Variants in TTLL11 observed in about 807,000 individuals in gnomAD.
The protein encoded by TTLL11 is tubulin polyglutamylase TTLL11.
In TTLL11, 42 loss-of-function variants were observed where a neutral mutation model predicts 51.7. The ratio of observed to expected loss-of-function variants is 0.81; its 90% CI spans 0.64 to 1.05. The LOEUF is 1.05. TTLL11 is among the 50% of genes least tolerant of loss of function. The pLI is 0.00. For missense variants in TTLL11, 799 were observed against 940.4 expected, an observed-to-expected ratio of 0.85 and a Z score of 1.97; for synonymous variants, 381 against 383.5, an observed-to-expected ratio of 0.99 and a Z score of 0.08.
At chr9:122,044,072 T>C (rs1188630098) in intron 1 of TTLL11, among the ~76,000 whole-genome samples, 1 of 152,208 alleles carries the variant, frequency 6.6e-6, no homozygotes, top group Admixed American at 6.5e-5. Flanking sequence ...TGTGTTCTCA[T>C]TGTTCAATTC....
intron 6 of TTLL11, among the ~76,000 whole-genome samples, chr9:121,963,360 C>T (rs1044966396): frequency 3.9e-5 from 6 of 152,194 alleles, no homozygotes; most frequent in Non-Finnish European, 7.3e-5. Flanking sequence ...GTCTCCTAAG[C>T]CCAGCATGTG....
intron 6 of TTLL11, among the ~76,000 whole-genome samples, chr9:121,910,501 G>A (rs1053699497): frequency 6.6e-6 from 1 of 152,196 alleles, no homozygotes; most frequent in African/African-American, 2.4e-5. Flanking sequence ...CGTCAGCTGA[G>A]TGTAACAGTT....
At chr9:121,841,294 T>C (rs1390030959) in intron 8 of TTLL11, among the ~76,000 whole-genome samples, 1 of 151,988 alleles carries the variant, frequency 6.6e-6, no homozygotes, top group Non-Finnish European at 1.5e-5. Context: ...TCTCAAAGGC[T>C]AAAGAGCTCA....
At chr9:122,090,947 G>A (rs997655144) in intron 1 of TTLL11, among the ~76,000 whole-genome samples, 27 of 152,290 alleles carry the variant, frequency 1.8e-4, no homozygotes, top group African/African-American at 5.8e-4. Context: ...TGTAATGACC[G>A]CAATTATTCC....
At chr9:121,858,708 C>A (rs1837905721) in intron 8 of TTLL11, among the ~76,000 whole-genome samples, 1 of 152,240 alleles carries the variant, frequency 6.6e-6, no homozygotes, top group African/African-American at 2.4e-5. Context: ...ATAAGATAAA[C>A]TGCCTCGCAC....
At chr9:121,840,793 C>T (rs1184604292) in intron 8 of TTLL11, among the ~76,000 whole-genome samples, 1 of 152,184 alleles carries the variant, frequency 6.6e-6, no homozygotes, top group African/African-American at 2.4e-5. Context: ...TGGAAGTTGT[C>T]ACTCTGAGAG....
In TTLL11 at chr9:121,899,596, G is replaced by T. The variant is rs888933509; in HGVS notation, c.1482-28848C>A. On this transcript the variant is annotated intron_variant, in intron 6 of 8. Coordinates refer to ENST00000321582, the MANE Select transcript of TTLL11 (RefSeq NM_001139442.2). ...TATTTTTATTTTTTGTAGAGACAGG[G>T]TCTTGCTATGTTGCCCAGGCTGGTC... Among the ~76,000 whole-genome samples the T allele has an allele frequency of 5.9e-5, 9 of 151,590 alleles. No homozygotes were observed. In the East Asian group the frequency reaches 1.7e-3, roughly 29 times the overall value.
At chr9:121,848,299 C>A (rs1837574589) in intron 8 of TTLL11, among the ~76,000 whole-genome samples, 1 of 151,866 alleles carries the variant, frequency 6.6e-6, no homozygotes, top group Middle Eastern at 3.4e-3. Flanking sequence ...ACAAAAAAAT[C>A]TTATAGTTTA....
At chr9:121,895,979 T>A (rs888828844) in intron 6 of TTLL11, among the ~76,000 whole-genome samples, 5 of 31,780 alleles carry the variant, frequency 1.6e-4, no homozygotes, top group Non-Finnish European at 4.3e-4. Context: ...GGTGTGTGTC[T>A]GTGGTGGGTG....
chr9:122,068,968 T>C (rs913355845), intron 1 of TTLL11, among the ~76,000 whole-genome samples: 1 of 152,184 alleles, frequency 6.6e-6, no homozygotes, highest in Non-Finnish European at 1.5e-5. Flanking sequence ...GAGCCACAGA[T>C]GGACGGATCT....
chr9:121,837,953 C>G (rs1407717291), intron 8 of TTLL11, among the ~76,000 whole-genome samples: 1 of 152,188 alleles, frequency 6.6e-6, no homozygotes, highest in Non-Finnish European at 1.5e-5. Flanking sequence ...TGCTCTCTCT[C>G]TCTTGCTGGC....
At chr9:122,014,679 T>C (rs1174928234) in intron 3 of TTLL11, among the ~76,000 whole-genome samples, 5 of 152,194 alleles carry the variant, frequency 3.3e-5, no homozygotes, top group Non-Finnish European at 7.3e-5. Context: ...TAAAGGAAAC[T>C]GTGACAGAGT....
In TTLL11 at chr9:122,014,975, A is replaced by T. The variant is rs144571616; in HGVS notation, c.693+16748T>A. Among the ~76,000 whole-genome samples the T allele has an allele frequency of 5.0e-3, 759 of 152,316 alleles. 5 individuals carry two copies. The highest frequency in any genetic ancestry group is 7.7e-3 in the Non-Finnish European group (524 of 68,036). ...TCGGGAAACGATTGCACTAAACCAC[A>T]TAAGAATATCTGAGTACACCAGCAG... is the stretch of plus-strand genomic sequence containing the variant. On this transcript the variant is annotated intron_variant, in intron 3 of 8. Transcript: ENST00000321582.
chr9:121,838,011 G>A (rs554265784), intron 8 of TTLL11, among the ~76,000 whole-genome samples: 34 of 152,114 alleles, frequency 2.2e-4, no homozygotes, highest in Admixed American at 5.9e-4. Context: ...TCTCTCTCTC[G>A]CTCTCTCTTC....
At chr9:121,956,891 C>A (rs1023144454) in intron 6 of TTLL11, among the ~76,000 whole-genome samples, 28 of 152,236 alleles carry the variant, frequency 1.8e-4, no homozygotes, top group African/African-American at 6.5e-4. Context: ...CAGCTGCAGG[C>A]TCCAAGGTTC....
At chr9:121,854,369 G>T (rs539433731) in intron 8 of TTLL11, among the ~76,000 whole-genome samples, 14 of 152,234 alleles carry the variant, frequency 9.2e-5, no homozygotes, top group Non-Finnish European at 2.1e-4. Context: ...AGCAAGAGGT[G>T]TGTGGTGTTT....
intron 3 of TTLL11, among the ~76,000 whole-genome samples, chr9:122,014,996 A>G (rs1489548962): frequency 6.6e-6 from 1 of 152,210 alleles, no homozygotes; most frequent in Admixed American, 6.5e-5. Context: ...TGAGTACACC[A>G]GCAGTTGTAT....
chr9:122,073,884 T>A (rs546951523), intron 1 of TTLL11, among the ~76,000 whole-genome samples: 1 of 152,312 alleles, frequency 6.6e-6, no homozygotes, highest in African/African-American at 2.4e-5. Context: ...ATAGGGCTCT[T>A]AGCAGCCCAC....
chr9:121,919,328 C>T (rs1840442669), intron 6 of TTLL11, among the ~76,000 whole-genome samples: 1 of 151,966 alleles, frequency 6.6e-6, no homozygotes, highest in Non-Finnish European at 1.5e-5. Context: ...AAAAGAAACA[C>T]ATACATGCTG....
Sources: gnomAD v4.1 joint callset for allele counts (sites outside exome capture counted in the v4.1 genomes callset) on GRCh38, gnomAD v4.1.1 for gene constraint, MANE v1.5 for transcripts, NCBI Gene and HGNC (gene_info 2026-07-23, HGNC 2026-07-21) for gene names.